Variants in KIAA1549L observed in about 807,000 individuals in gnomAD.
The protein encoded by KIAA1549L is UPF0606 protein KIAA1549L.
KIAA1549L carries 88 observed loss-of-function variants against 160.7 expected under a neutral mutation model. The ratio of observed to expected loss-of-function variants is 0.55; its 90% CI spans 0.46 to 0.65. The LOEUF (loss-of-function observed/expected upper bound fraction) is 0.65. Ranked by LOEUF, KIAA1549L falls within the 30% of genes least tolerant of loss-of-function variation. The pLI, the probability that KIAA1549L is intolerant of heterozygous loss-of-function variation, is 0.00. For missense variants in KIAA1549L, 2,258 were observed against 2,437.5 expected, an observed-to-expected ratio of 0.93 and a Z score of 1.55; for synonymous variants, 950 against 976.7, an observed-to-expected ratio of 0.97 and a Z score of 0.51.
At chr11:33,604,249 A>G (rs1850440563) in intron 13 of KIAA1549L, among the ~76,000 whole-genome samples, 1 of 152,218 alleles carries the variant, frequency 6.6e-6, no homozygotes, top group Non-Finnish European at 1.5e-5. Context: ...TCATGAGGTC[A>G]TAGTCAAGAT....
chr11:33,614,562 A>T (rs1161469169), intron 15 of KIAA1549L, among the ~76,000 whole-genome samples: 7 of 12,656 alleles, frequency 5.5e-4, no homozygotes, highest in East Asian at 4.7e-3. Flanking sequence ...ATATATATAT[A>T]TATATATATA....
At chr11:33,389,101 T>A (rs888711698) in intron 1 of KIAA1549L, among the ~76,000 whole-genome samples, 4 of 152,178 alleles carry the variant, frequency 2.6e-5, no homozygotes, top group African/African-American at 9.7e-5. Flanking sequence ...CACAAAATGG[T>A]TTTGGTATTT....
chr11:33,380,814 G>A (rs774509469), intron 1 of KIAA1549L, among the ~76,000 whole-genome samples: 7 of 152,048 alleles, frequency 4.6e-5, no homozygotes, highest in Admixed American at 2.6e-4. Context: ...AGTGTGTGGG[G>A]AGATAGTTTT....
At chr11:33,468,747 A>G (rs1198031887) in intron 1 of KIAA1549L, among the ~76,000 whole-genome samples, 3 of 152,232 alleles carry the variant, frequency 2.0e-5, no homozygotes, top group Admixed American at 6.5e-5. Flanking sequence ...CTTCTCAGCT[A>G]TAATACGGCG....
rs190760716 is a variant in KIAA1549L, at chr11:33,490,891, G to T, written c.239-50911G>T. On this transcript the variant is annotated intron_variant, in intron 1 of 20. Transcript: ENST00000658780. ...AGTCTGAGTTTCTAACAAGACAACAGGTAATGCCCACCCTGCTGGTCCATC... is the reference window on the plus strand; with the variant it reads ...AGTCTGAGTTTCTAACAAGACAACATGTAATGCCCACCCTGCTGGTCCATC... Among the ~76,000 whole-genome samples, 7 of 152,338 alleles carry T rather than the reference G, an allele frequency of 4.6e-5. No individual in the cohort carries two copies. In the East Asian group the frequency reaches 1.4e-3, roughly 29 times the overall value.
intron 11 of KIAA1549L, among the ~76,000 whole-genome samples, chr11:33,588,541 G>T (rs904106032): frequency 5.3e-5 from 8 of 152,234 alleles, no homozygotes; most frequent in African/African-American, 1.9e-4. Flanking sequence ...GCAGGAAATA[G>T]TGAAACAGTG....
At chr11:33,657,973 T>A (rs1432534321) in intron 18 of KIAA1549L, among the ~76,000 whole-genome samples, 1 of 152,172 alleles carries the variant, frequency 6.6e-6, no homozygotes, top group African/African-American at 2.4e-5. Context: ...CCCATTGGGC[T>A]AATTTTAGGG....
chr11:33,526,428 C>A (rs1853613165), intron 1 of KIAA1549L, among the ~76,000 whole-genome samples: 1 of 152,238 alleles, frequency 6.6e-6, no homozygotes, highest in African/African-American at 2.4e-5. Flanking sequence ...ACTTCACTCC[C>A]CTGCCACCTT....
intron 1 of KIAA1549L, among the ~76,000 whole-genome samples, chr11:33,499,175 A>T (rs1190954991): frequency 1.3e-5 from 2 of 152,018 alleles, no homozygotes; most frequent in African/African-American, 4.8e-5. Context: ...CATCCATCTT[A>T]TATCAGCAAG....
chr11:33,505,455 A>G (rs1426768976), intron 1 of KIAA1549L, among the ~76,000 whole-genome samples: 1 of 152,168 alleles, frequency 6.6e-6, no homozygotes, highest in Non-Finnish European at 1.5e-5. Flanking sequence ...TTCTATCCCT[A>G]TCACATGATG....
At chr11:33,634,890 C>T (rs1490705421) in intron 16 of KIAA1549L, among the ~76,000 whole-genome samples, 1 of 152,078 alleles carries the variant, frequency 6.6e-6, no homozygotes, top group Non-Finnish European at 1.5e-5. Flanking sequence ...CTGGAGTGAT[C>T]GTAGATCATC....
chr11:33,628,233 G>A (rs895966360), intron 16 of KIAA1549L, among the ~76,000 whole-genome samples: 1 of 152,092 alleles, frequency 6.6e-6, no homozygotes, highest in Middle Eastern at 3.2e-3. Context: ...AATAGGTGTG[G>A]TGTGGTGGTG....
Position 33,532,228 on chromosome 11 carries a change from G to A in KIAA1549L, c.239-9574G>A, listed in dbSNP as rs536172355. Among the ~76,000 whole-genome samples the A allele has an allele frequency of 1.2e-4, 19 of 152,314 alleles. 1 individual carries two copies. The South Asian group carries it at 2.9e-3, about 23-fold the overall frequency. On this transcript the variant is annotated intron_variant, in intron 1 of 20. Transcript: ENST00000658780. Reference sequence around the variant, plus strand: ...AGGTACTATGGAAGAACAAGGTGAGGTGATAGATATGAAAATATCCTGCCA... The same window carrying A: ...AGGTACTATGGAAGAACAAGGTGAGATGATAGATATGAAAATATCCTGCCA...
chr11:33,661,549 A>G (rs1852260439), intron 20 of KIAA1549L, among the ~76,000 whole-genome samples: 1 of 152,194 alleles, frequency 6.6e-6, no homozygotes, highest in Non-Finnish European at 1.5e-5. Context: ...TAATTCTGTA[A>G]AGTTTTAGAA....
At chr11:33,534,605 A>C (rs1853851672) in intron 1 of KIAA1549L, among the ~76,000 whole-genome samples, 1 of 152,110 alleles carries the variant, frequency 6.6e-6, no homozygotes, top group African/African-American at 2.4e-5. Flanking sequence ...AAAAAATAAG[A>C]GTACAGCCTG....
chr11:33,530,429 AAAAAAAAATATATATATATATATATAT>A lies in KIAA1549L; in HGVS notation c.239-11371_239-11345del, dbSNP rs1338061447. Among the ~76,000 whole-genome samples, 170 of 19,136 alleles carry A rather than the reference AAAAAAAAATATATATATATATATATAT, an allele frequency of 8.9e-3. 11 individuals are homozygous for A. Among genetic ancestry groups the A allele is most frequent in the African/African-American group, 0.016 (103 of 6,474 alleles). 12.6% of individuals were successfully genotyped at this position (19,136 alleles called of 152,430 possible). On this transcript the variant is annotated intron_variant, in intron 1 of 20. Coordinates refer to ENST00000658780, the MANE Select transcript of KIAA1549L (RefSeq NM_012194.3). The stretch of plus-strand genomic sequence containing the variant: ...GAAGAAGAAGGAAAAAAAAAAAAAA[AAAAAAAAATATATATATATATATATAT>A]ATATATATATATATATATATATATA...
At position 33,488,067 on chromosome 11, in the gene KIAA1549L, A is replaced by G. The variant is rs151308429; in HGVS notation, c.239-53735A>G. On this transcript the variant is annotated intron_variant, in intron 1 of 20. Coordinates refer to ENST00000658780, the MANE Select transcript of KIAA1549L (RefSeq NM_012194.3). ...TATTATCTGTCACTTAACATCTCCA[A>G]TTCTCAGCTTTCTCATTGGTAAAAC... 9.9e-4 allele frequency among the ~76,000 whole-genome samples: 150 copies of G among 152,280 alleles called. 1 individual carries two copies. Among genetic ancestry groups the G allele is most frequent in the African/African-American group, 3.5e-3 (146 of 41,566 alleles).
rs1236409301 is a variant in KIAA1549L at position 33,618,691 on chromosome 11, A to G, written c.5409+29A>G. The stretch of plus-strand genomic sequence containing the variant: ...AGTCTCTGGTGGGCTGGGTAAATAC[A>G]AGCTTTCCTTTCCCCTGAAGGCAAG... On this transcript the variant is annotated intron_variant, in intron 16 of 20. Transcript: ENST00000658780. 5.9e-6 allele frequency: 9 copies of G among 1,527,756 alleles called. No homozygotes were observed. In the East Asian group the frequency reaches 1.9e-4, roughly 32 times the overall value. The allele number at this position is 1,527,756 out of a possible 1,614,324, so 94.6% of individuals were successfully genotyped here. A position where few individuals can be genotyped will look rare whatever the true frequency, so the allele number is the denominator to read the frequency against.
At chr11:33,469,896 G>A (rs1590268716) in intron 1 of KIAA1549L, among the ~76,000 whole-genome samples, 2 of 152,300 alleles carry the variant, frequency 1.3e-5, no homozygotes, top group East Asian at 1.9e-4. Context: ...AACTGTAAGA[G>A]CTCTTTATAT....
Sources: allele counts gnomAD v4.1 joint callset (sites outside exome capture counted in the v4.1 genomes callset), GRCh38; gene constraint gnomAD v4.1.1; transcripts MANE v1.5; gene names NCBI Gene and HGNC (gene_info 2026-07-23, HGNC 2026-07-21).